The following GALNT1 variants were observed in gnomAD, a reference collection of about 807,000 sequenced individuals.
GALNT1 encodes GalNAc transferase 1.
Under a neutral mutation model 65.7 loss-of-function variants are expected in GALNT1, and 17 were observed. The ratio of observed to expected loss-of-function variants is 0.26; its 90% CI spans 0.18 to 0.39. GALNT1 has a LOEUF of 0.39. GALNT1 is among the 10% of genes least tolerant of loss of function. The pLI, the probability that GALNT1 is intolerant of heterozygous loss-of-function variation, is 1.00. For synonymous variants in GALNT1, 210 were observed against 219.7 expected, an observed-to-expected ratio of 0.96 and a Z score of 0.39; for missense variants, 460 against 672.8, an observed-to-expected ratio of 0.68 and a Z score of 3.50.
intron 3 of GALNT1, among the ~76,000 whole-genome samples, chr18:35,671,429 C>T (rs1285521063): frequency 6.6e-6 from 1 of 152,150 alleles, no homozygotes; most frequent in African/African-American, 2.4e-5. Context: ...CCACGTTGCC[C>T]AGGCTGGGAC....
At chr18:35,598,304 G>T (rs1568013036) in intron 1 of GALNT1, among the ~76,000 whole-genome samples, 2 of 151,758 alleles carry the variant, frequency 1.3e-5, no homozygotes, top group Non-Finnish European at 2.9e-5. Context: ...CAAAGTATTG[G>T]GATTACAGGC....
At position 35,709,943 on chromosome 18, in the gene GALNT1, C is replaced by A; in HGVS notation, c.*173C>A. ...CTCTAGCTTTTCACTAGCTGTGAAC[C>A]AGCCTTCCTGTCCATGGACGTGAAA... On this transcript the variant is annotated 3_prime_UTR_variant, in exon 12 of 12. Coordinates refer to ENST00000269195, the MANE Select transcript of GALNT1 (RefSeq NM_020474.4). The A allele has an allele frequency of 1.5e-6, 1 of 680,574 alleles. No homozygotes were observed. Among genetic ancestry groups the A allele is most frequent in the Non-Finnish European group, 2.4e-6 (1 of 413,216 alleles). The allele number at this position is 680,574 out of a possible 1,614,324, so 42.2% of individuals were successfully genotyped here. A position where few individuals can be genotyped will look rare whatever the true frequency, so the allele number is the denominator to read the frequency against.
intron 1 of GALNT1, among the ~76,000 whole-genome samples, chr18:35,588,275 C>T (rs958975747): frequency 1.1e-4 from 16 of 152,134 alleles, no homozygotes; most frequent in African/African-American, 3.9e-4. Context: ...TTCTGGCTTC[C>T]ATGGTTTCTG....
At chr18:35,701,521 T>C (rs1407385421) in intron 9 of GALNT1, among the ~76,000 whole-genome samples, 1 of 152,190 alleles carries the variant, frequency 6.6e-6, no homozygotes, top group Non-Finnish European at 1.5e-5. Context: ...TATGAGGGAA[T>C]AGGTTTCACA....
chr18:35,623,743 A>G (rs1258371766), intron 1 of GALNT1, among the ~76,000 whole-genome samples: 1 of 152,134 alleles, frequency 6.6e-6, no homozygotes, highest in Non-Finnish European at 1.5e-5. Context: ...TGTATTTTAC[A>G]TGATTCTGTG....
intron 3 of GALNT1, among the ~76,000 whole-genome samples, chr18:35,666,943 TTA>T (rs997065242): frequency 6.6e-6 from 1 of 151,730 alleles, no homozygotes; most frequent in African/African-American, 2.4e-5. Flanking sequence ...ATAACCTTTT[TTA>T]AAAAAAAAAA....
intron 1 of GALNT1, among the ~76,000 whole-genome samples, chr18:35,589,589 G>A (rs996156578): frequency 3.3e-5 from 5 of 152,120 alleles, no homozygotes; most frequent in African/African-American, 1.2e-4. Context: ...ATAAGTCTCA[G>A]GGAACTCACC....
chr18:35,687,426 T>G (rs1456928139), intron 6 of GALNT1, among the ~76,000 whole-genome samples: 1 of 152,242 alleles, frequency 6.6e-6, no homozygotes, highest in Admixed American at 6.5e-5. Context: ...ATGACATGCG[T>G]GTTTTTTCAT....
At chr18:35,644,857 G>A (rs2047209339) in intron 1 of GALNT1, among the ~76,000 whole-genome samples, 2 of 152,038 alleles carry the variant, frequency 1.3e-5, no homozygotes, top group Non-Finnish European at 2.9e-5. Context: ...TAGGCATGGT[G>A]GCATGCACCT....
At chr18:35,621,428 G>A (rs1217980185) in intron 1 of GALNT1, among the ~76,000 whole-genome samples, 1 of 147,782 alleles carries the variant, frequency 6.8e-6, no homozygotes, top group East Asian at 2.0e-4. Context: ...TCTGGTTCAA[G>A]TGATCCTCCT....
chr18:35,638,287 A>G (rs1029790847), intron 1 of GALNT1, among the ~76,000 whole-genome samples: 2 of 152,200 alleles, frequency 1.3e-5, no homozygotes, highest in Non-Finnish European at 2.9e-5. Context: ...GTATCCAGTG[A>G]GAGTGGGCTA....
chr18:35,603,363 C>T (rs2046605421), intron 1 of GALNT1, among the ~76,000 whole-genome samples: 1 of 152,106 alleles, frequency 6.6e-6, no homozygotes, highest in African/African-American at 2.4e-5. Context: ...AGTTTTTCCA[C>T]TTCTCTGTGG....
intron 9 of GALNT1, among the ~76,000 whole-genome samples, chr18:35,694,292 A>AG (rs756678929): frequency 6.6e-6 from 1 of 152,172 alleles, no homozygotes; most frequent in Non-Finnish European, 1.5e-5. Flanking sequence ...ATGGGCTTAA[A>AG]GGGGTTTTTA....
chr18:35,613,413 A>G (rs749151645), intron 1 of GALNT1, among the ~76,000 whole-genome samples: 2 of 152,200 alleles, frequency 1.3e-5, no homozygotes, highest in Non-Finnish European at 2.9e-5. Flanking sequence ...CTTAATATTC[A>G]AAATATCTTT....
chr18:35,625,120 A>G (rs565845015), intron 1 of GALNT1, among the ~76,000 whole-genome samples: 2 of 152,344 alleles, frequency 1.3e-5, no homozygotes, highest in African/African-American at 2.4e-5. Flanking sequence ...CTCTTCAGAC[A>G]TTTCATAACA....
chr18:35,593,490 A>G (rs1190399176), intron 1 of GALNT1, among the ~76,000 whole-genome samples: 1 of 152,052 alleles, frequency 6.6e-6, no homozygotes, highest in African/African-American at 2.4e-5. Flanking sequence ...AGCAGAACCT[A>G]TTATTAGTAG....
rs1376414229 is a variant in GALNT1 at position 35,703,659 on chromosome 18, G to A, written c.1533+16G>A. Reference sequence around the variant, plus strand: ...TGACCCAGTGGTAAGTTATGCAGTTGCCTATAGTAATAAAATTATGTGTGT... The same window carrying A: ...TGACCCAGTGGTAAGTTATGCAGTTACCTATAGTAATAAAATTATGTGTGT... On this transcript the variant is annotated intron_variant, in intron 11 of 11. Coordinates refer to ENST00000269195, the MANE Select transcript of GALNT1 (RefSeq NM_020474.4). 1.2e-6 allele frequency: 2 copies of A among 1,610,850 alleles called. No individual in the cohort carries two copies. The highest frequency in any genetic ancestry group is 1.3e-5 in the African/African-American group (1 of 74,702).
chr18:35,699,102 G>T (rs1385505674), intron 9 of GALNT1, among the ~76,000 whole-genome samples: 1 of 152,160 alleles, frequency 6.6e-6, no homozygotes, highest in Non-Finnish European at 1.5e-5. Flanking sequence ...AGTTGAAGTG[G>T]TCATATTTGC....
intron 5 of GALNT1, among the ~76,000 whole-genome samples, chr18:35,686,753 A>T (rs2047873594): frequency 6.6e-6 from 1 of 152,098 alleles, no homozygotes; most frequent in African/African-American, 2.4e-5. Flanking sequence ...AAATTTTTTT[A>T]ATTAGTTGAG....
Sources: allele counts gnomAD v4.1 joint callset (sites outside exome capture counted in the v4.1 genomes callset), GRCh38; gene constraint gnomAD v4.1.1; transcripts MANE v1.5; gene names NCBI Gene and HGNC (gene_info 2026-07-23, HGNC 2026-07-21).